FGF14: variants seen among roughly 807,000 people sequenced by gnomAD.
FGF14 encodes the protein fibroblast growth factor homologous factor 4.
A neutral mutation model predicts 25.5 loss-of-function variants in FGF14; 5 were observed. That is an observed-to-expected ratio of 0.20 (90% CI 0.10 to 0.41). FGF14 has a LOEUF of 0.41. Among genes scored for constraint, FGF14 ranks in the 10% least tolerant of loss-of-function variants. The probability of loss-of-function intolerance (pLI) is 1.00; values close to 1 mark genes in which losing one functional copy is unlikely to be tolerated. For missense variants in FGF14, 222 were observed against 320.1 expected, an observed-to-expected ratio of 0.69 and a Z score of 2.34; for synonymous variants, 138 against 118.3, an observed-to-expected ratio of 1.17 and a Z score of -1.08.
intron 1 of FGF14, among the ~76,000 whole-genome samples, chr13:102,215,394 C>T (rs571354147): frequency 6.6e-6 from 1 of 152,316 alleles, no homozygotes; most frequent in East Asian, 1.9e-4. Flanking sequence ...GCTGGCACTG[C>T]TTTTTACTCC....
chr13:102,000,808 T>G (rs915894164), intron 1 of FGF14, among the ~76,000 whole-genome samples: 6 of 152,358 alleles, frequency 3.9e-5, no homozygotes, highest in Middle Eastern at 3.4e-3. Flanking sequence ...TGCTCCTTTT[T>G]GTACTCTTAC....
At position 101,722,493 on chromosome 13, in the gene FGF14, T is replaced by G; in HGVS notation, c.*338A>C. On this transcript the variant is annotated 3_prime_UTR_variant, in exon 5 of 5. Transcript: ENST00000376143. Reference sequence around the variant, plus strand: ...TCGCTGAAACAGGACTCAAAAAGGATTATGGGTAGCTGTCAGCAGGCAAGG... The same window carrying G: ...TCGCTGAAACAGGACTCAAAAAGGAGTATGGGTAGCTGTCAGCAGGCAAGG... 2 of 363,928 alleles carry G rather than the reference T, an allele frequency of 5.5e-6. No homozygotes were observed. Among genetic ancestry groups the G allele is most frequent in the Non-Finnish European group, 1.1e-5 (2 of 189,680 alleles). 22.5% of individuals were successfully genotyped at this position (363,928 alleles called of 1,614,324 possible).
At chr13:102,398,013 AGTGTGT>A (rs3067869) in intron 1 of FGF14, among the ~76,000 whole-genome samples, 1,788 of 147,174 alleles carry the variant, frequency 0.012, 14 homozygotes, top group African/African-American at 0.023. Context: ...GACATTTAAG[AGTGTGT>A]GTGTGTGTGT....
intron 1 of FGF14, among the ~76,000 whole-genome samples, chr13:101,878,359 A>G (rs1276350848): frequency 2.6e-5 from 4 of 152,114 alleles, no homozygotes; most frequent in Non-Finnish European, 4.4e-5. Context: ...TTTCCTCAAG[A>G]GCACTTTCCT....
chr13:102,055,211 T>C (rs1443215752), intron 1 of FGF14, among the ~76,000 whole-genome samples: 3 of 152,340 alleles, frequency 2.0e-5, no homozygotes, highest in East Asian at 1.9e-4. Context: ...CTAGTCAATT[T>C]GAATTTTTAA....
At chr13:102,095,999 G>GTA (rs1180718754) in intron 1 of FGF14, among the ~76,000 whole-genome samples, 5,733 of 89,474 alleles carry the variant, frequency 0.064, 333 homozygotes, top group African/African-American at 0.14. Flanking sequence ...GTGTGTGTGT[G>GTA]TGTATATATA....
chr13:101,739,492 G>A (rs1164248892), intron 3 of FGF14, among the ~76,000 whole-genome samples: 2 of 152,118 alleles, frequency 1.3e-5, no homozygotes, highest in Non-Finnish European at 2.9e-5. Context: ...AGCTTGGGTG[G>A]TAAGGAAAAG....
chr13:101,723,101 A>G, intron 4 of FGF14, 134 bp from the exon 5 acceptor site: 1 of 1,019,364 alleles, frequency 9.8e-7, no homozygotes, highest in South Asian at 1.3e-5. Flanking sequence ...TTCCATTGAG[A>G]CAGAATTCCT....
At chr13:101,818,150 G>A (rs1040137015) in intron 3 of FGF14, among the ~76,000 whole-genome samples, 2 of 152,192 alleles carry the variant, frequency 1.3e-5, no homozygotes, top group Non-Finnish European at 2.9e-5. Context: ...ACCTTCAGAA[G>A]CTCAGTGAAG....
chr13:101,737,535 A>G (rs75915189), intron 3 of FGF14, among the ~76,000 whole-genome samples: 1 of 152,212 alleles, frequency 6.6e-6, no homozygotes, highest in East Asian at 1.9e-4. Flanking sequence ...ATCTTCCTTT[A>G]TCAATATTTT....
At chr13:102,349,620 C>A (rs2057214346) in intron 1 of FGF14, among the ~76,000 whole-genome samples, 1 of 152,134 alleles carries the variant, frequency 6.6e-6, no homozygotes, top group African/African-American at 2.4e-5. Context: ...TGCATCTCTC[C>A]AGAAACAGTT....
At chr13:102,130,315 T>G (rs1308057743) in intron 1 of FGF14, among the ~76,000 whole-genome samples, 2 of 152,186 alleles carry the variant, frequency 1.3e-5, no homozygotes, top group African/African-American at 2.4e-5. Flanking sequence ...CCAGGGAAGC[T>G]GGGTCTACCT....
At chr13:102,209,130 C>A (rs1276762448) in intron 1 of FGF14, among the ~76,000 whole-genome samples, 3 of 152,332 alleles carry the variant, frequency 2.0e-5, no homozygotes, top group Non-Finnish European at 2.9e-5. Context: ...ATGGTTCCAA[C>A]AGAAGCCTTA....
chr13:101,867,303 C>A (rs773480661), intron 3 of FGF14, among the ~76,000 whole-genome samples: 1 of 152,034 alleles, frequency 6.6e-6, no homozygotes, highest in Non-Finnish European at 1.5e-5. Context: ...CATACATTTA[C>A]AACCACATGA....
chr13:101,783,518 C>T (rs1225669766), intron 3 of FGF14, among the ~76,000 whole-genome samples: 1 of 150,248 alleles, frequency 6.7e-6, no homozygotes, highest in African/African-American at 2.4e-5. Context: ...TTTTTAATGG[C>T]GTTGAGGTTT....
intron 1 of FGF14, among the ~76,000 whole-genome samples, chr13:102,066,567 C>T (rs1387868670): frequency 6.6e-6 from 1 of 152,094 alleles, no homozygotes; most frequent in East Asian, 1.9e-4. Flanking sequence ...TGTTACTGGA[C>T]CCAAATAAAT....
At chr13:102,158,131 G>C (rs999438994) in intron 1 of FGF14, among the ~76,000 whole-genome samples, 1 of 152,176 alleles carries the variant, frequency 6.6e-6, no homozygotes, top group Non-Finnish European at 1.5e-5. Context: ...CAGGGATCTA[G>C]AACTAGAAAT....
At chr13:102,327,920 A>C (rs2056511027) in intron 1 of FGF14, among the ~76,000 whole-genome samples, 1 of 151,582 alleles carries the variant, frequency 6.6e-6, no homozygotes, top group Non-Finnish European at 1.5e-5. Context: ...AAAAATAAAT[A>C]AAAAATAAAT....
chr13:101,907,280 G>C (rs2032360998), intron 1 of FGF14, among the ~76,000 whole-genome samples: 1 of 152,086 alleles, frequency 6.6e-6, no homozygotes, highest in South Asian at 2.1e-4. Context: ...AGTACTATTA[G>C]TGTTTGGCTG....
Sources: allele counts gnomAD v4.1 joint callset (sites outside exome capture counted in the v4.1 genomes callset), GRCh38; gene constraint gnomAD v4.1.1; transcripts MANE v1.5; gene names NCBI Gene and HGNC (gene_info 2026-07-23, HGNC 2026-07-21).